SPAG9: variants seen among roughly 807,000 people sequenced by gnomAD.
The protein encoded by SPAG9 is sperm associated antigen 9, also known as C-Jun-amino-terminal kinase-interacting protein 4.
SPAG9 carries 35 observed loss-of-function variants against 166.5 expected under a neutral mutation model. The observed-to-expected ratio is 0.21, with a 90% confidence interval of 0.16 to 0.28. The LOEUF is 0.28. Ranked by LOEUF, SPAG9 falls within the 10% of genes least tolerant of loss-of-function variation. The pLI is 1.00. For missense variants in SPAG9, 1,235 were observed against 1,603.3 expected (o/e 0.77, Z 3.92); for synonymous variants, 534 against 565.5 (o/e 0.94, Z 0.79).
chr17:51,060,027 C>T (rs984207691), intron 2 of SPAG9, among the ~76,000 whole-genome samples: 2 of 152,106 alleles, frequency 1.3e-5, no homozygotes, highest in Non-Finnish European at 2.9e-5. Flanking sequence ...AAAATTCTTA[C>T]AATGGTCTGT....
At position 50,984,297 on chromosome 17, in the gene SPAG9, A is replaced by G. The variant is rs149104884; in HGVS notation, c.3088+626T>C. 3.9e-3 allele frequency among the ~76,000 whole-genome samples: 594 copies of G among 152,344 alleles called. 10 individuals carry two copies. In the East Asian group the frequency reaches 0.042, roughly 11 times the overall value. ...AAAAGTCCAAATGTTAAGTGGACAC[A>G]AATTATTTTTAACACATAGGACATT... On this transcript the variant is annotated intron_variant, in intron 24 of 29. Coordinates refer to ENST00000262013, the MANE Select transcript of SPAG9 (RefSeq NM_001130528.3).
intron 9 of SPAG9, chr17:51,009,191 G>A (rs1408337600): frequency 2.2e-6 from 1 of 449,212 alleles, no homozygotes; most frequent in Non-Finnish European, 4.5e-6. Flanking sequence ...CAATTAGATT[G>A]TTTTCAGAAA....
intron 12 of SPAG9, among the ~76,000 whole-genome samples, chr17:51,002,173 G>A (rs753611564): frequency 1.3e-5 from 2 of 152,004 alleles, no homozygotes; most frequent in African/African-American, 2.4e-5. Flanking sequence ...ATGTCAACAC[G>A]CCTGACTAAT....
At chr17:50,977,268 G>T in intron 26 of SPAG9, 47 bp from the exon 27 acceptor site, 1 of 1,167,796 alleles carries the variant, frequency 8.6e-7, no homozygotes, top group Non-Finnish European at 1.3e-6. Context: ...AAAGCAGACA[G>T]TGTTTTACAT....
intron 9 of SPAG9, among the ~76,000 whole-genome samples, chr17:51,012,832 C>G (rs1391521919): frequency 2.0e-5 from 3 of 151,566 alleles, no homozygotes. Flanking sequence ...ACTGCAACCT[C>G]TGCCTCCCGG....
chr17:51,060,410 G>A lies in SPAG9; in HGVS notation c.425-3928C>T, dbSNP rs145509627. Among the ~76,000 whole-genome samples, 1,339 of 151,614 alleles carry A rather than the reference G, an allele frequency of 8.8e-3. 17 individuals are homozygous for A. The highest frequency in any genetic ancestry group is 0.031 in the African/African-American group (1,300 of 41,270). On this transcript the variant is annotated intron_variant, in intron 2 of 29. Coordinates refer to ENST00000262013, the MANE Select transcript of SPAG9 (RefSeq NM_001130528.3). ...CCCAGCTACTCGGGAGGCTGAGGCAGGAGGATCGCTTGAATCTGGGAGATG... is the reference window on the plus strand; with the variant it reads ...CCCAGCTACTCGGGAGGCTGAGGCAAGAGGATCGCTTGAATCTGGGAGATG...
At chr17:51,027,167 C>T (rs2046214842) in intron 6 of SPAG9, among the ~76,000 whole-genome samples, 1 of 152,110 alleles carries the variant, frequency 6.6e-6, no homozygotes, top group South Asian at 2.1e-4. Context: ...CACAGTGGCT[C>T]ATGTGTGTAA....
At chr17:51,077,049 T>TCTAGCTAG (rs367746645) in intron 2 of SPAG9, among the ~76,000 whole-genome samples, 9 of 71,708 alleles carry the variant, frequency 1.3e-4, no homozygotes, top group South Asian at 4.1e-4. Flanking sequence ...TATCTAGCTA[T>TCTAGCTAG]CTAGCTAGCT....
rs568954320 is a variant in SPAG9 at position 51,020,345 on chromosome 17, G to T, written c.992-87C>A. On this transcript the variant is annotated intron_variant, in intron 7 of 29. Coordinates refer to ENST00000262013, the MANE Select transcript of SPAG9 (RefSeq NM_001130528.3). Reference sequence around the variant, plus strand: ...TCCTGTTGTTTTTATGGGTGTAAAGGTATCATTTGAACATTTTTTTAAAAT... The same window carrying T: ...TCCTGTTGTTTTTATGGGTGTAAAGTTATCATTTGAACATTTTTTTAAAAT... 47 of 814,094 alleles carry T rather than the reference G, an allele frequency of 5.8e-5. No homozygotes were observed. The East Asian group carries it at 1.2e-3, about 22-fold the overall frequency. 50.4% of individuals were successfully genotyped at this position (814,094 alleles called of 1,614,324 possible).
chr17:51,071,985 G>A (rs750410925), intron 2 of SPAG9, among the ~76,000 whole-genome samples: 1 of 152,060 alleles, frequency 6.6e-6, no homozygotes, highest in Non-Finnish European at 1.5e-5. Context: ...CCCACTACAG[G>A]TACTGCGAAC....
chr17:50,976,924 G>C, intron 27 of SPAG9, 184 bp downstream of exon 27: 1 of 507,652 alleles, frequency 2.0e-6, no homozygotes, highest in South Asian at 2.5e-5. Context: ...TTAATTATGA[G>C]TATTGGTCTT....
chr17:51,002,787 C>A (rs1204950223), intron 12 of SPAG9, among the ~76,000 whole-genome samples: 1 of 147,920 alleles, frequency 6.8e-6, no homozygotes, highest in Admixed American at 6.7e-5. Flanking sequence ...ACAACAAAAA[C>A]AACAACAAAA....
chr17:50,999,559 T>C, intron 14 of SPAG9, 102 bp downstream of exon 14: 1 of 1,331,186 alleles, frequency 7.5e-7, no homozygotes, highest in Non-Finnish European at 1.0e-6. Context: ...AAAAAAAAAA[T>C]GAAGGAAAGA....
intron 29 of SPAG9, among the ~76,000 whole-genome samples, chr17:50,969,081 C>T (rs976853988): frequency 2.0e-5 from 3 of 151,830 alleles, no homozygotes; most frequent in South Asian, 2.1e-4. Context: ...TACAGGTACA[C>T]GGCATCACGC....
At chr17:51,001,393 G>T (rs2143960452) in intron 13 of SPAG9, among the ~76,000 whole-genome samples, 1 of 152,258 alleles carries the variant, frequency 6.6e-6, no homozygotes, top group African/African-American at 2.4e-5. Flanking sequence ...TTCCTGTGTT[G>T]CATATGAAAT....
intron 3 of SPAG9, among the ~76,000 whole-genome samples, chr17:51,050,995 G>GAAAGAAAGA (rs1176623314): frequency 8.3e-6 from 1 of 120,026 alleles, no homozygotes; most frequent in Non-Finnish European, 1.7e-5. Context: ...GGGAAGGAAG[G>GAAAGAAAGA]AAAGAAAGAA....
chr17:50,971,767 C>CT (rs1314661262), intron 28 of SPAG9, among the ~76,000 whole-genome samples: 1 of 149,220 alleles, frequency 6.7e-6, no homozygotes, highest in Non-Finnish European at 1.5e-5. Context: ...GCCCAAATTA[C>CT]TTTATTTATT....
intron 2 of SPAG9, among the ~76,000 whole-genome samples, chr17:51,057,855 C>T (rs2047402223): frequency 6.6e-6 from 1 of 152,128 alleles, no homozygotes; most frequent in South Asian, 2.1e-4. Flanking sequence ...ATTTATTATG[C>T]AGATGTGTTG....
chr17:51,026,262 T>C (rs1289099383), intron 6 of SPAG9, among the ~76,000 whole-genome samples: 1 of 148,926 alleles, frequency 6.7e-6, no homozygotes, highest in East Asian at 2.0e-4. Flanking sequence ...CATTTGTGGA[T>C]CTGGGAGCAT....
Sources: allele counts gnomAD v4.1 joint callset (sites outside exome capture counted in the v4.1 genomes callset), GRCh38; gene constraint gnomAD v4.1.1; transcripts MANE v1.5; gene names NCBI Gene and HGNC (gene_info 2026-07-23, HGNC 2026-07-21).